Variants in KAZN observed in about 807,000 individuals in gnomAD.
KAZN encodes kazrin, periplakin interacting protein.
In KAZN, 40 loss-of-function variants were observed where a neutral mutation model predicts 87.4. The ratio of observed to expected loss-of-function variants is 0.46; its 90% CI spans 0.36 to 0.60. The LOEUF (loss-of-function observed/expected upper bound fraction) is 0.60. Ranked by LOEUF, KAZN falls within the 20% of genes least tolerant of loss-of-function variation. KAZN has a pLI of 0.00. For missense variants in KAZN, 898 were observed against 1,073.9 expected, an observed-to-expected ratio of 0.84 and a Z score of 2.29; for synonymous variants, 466 against 458.3, an observed-to-expected ratio of 1.02 and a Z score of -0.22.
intron 2 of KAZN, among the ~76,000 whole-genome samples, chr1:14,406,960 TAGC>T (rs1176718793): frequency 6.6e-6 from 1 of 152,182 alleles, no homozygotes; most frequent in Non-Finnish European, 1.5e-5. Flanking sequence ...AGCTGAGACT[TAGC>T]AGGCACTCGA....
intron 1 of KAZN, among the ~76,000 whole-genome samples, chr1:14,667,540 C>T (rs916338456): frequency 3.3e-5 from 5 of 152,232 alleles, no homozygotes; most frequent in African/African-American, 9.6e-5. Context: ...GACACAGGAA[C>T]ACTGAATAAG....
rs1317259463 is a variant in KAZN, at chr1:14,064,358, G to A, written c.92-116077G>A. Among the ~76,000 whole-genome samples, 7 of 151,904 alleles carry A rather than the reference G, an allele frequency of 4.6e-5. No individual in the cohort carries two copies. The South Asian group carries it at 6.2e-4, about 14-fold the overall frequency. ...ATTTTGATTGGAAAACTGAAGTACC[G>A]TCACCAGAAAAGGCACGGTCAACCG... On this transcript the variant is annotated intron_variant, in intron 1 of 16. Transcript: ENST00000636203.
rs1357818325 is a variant in KAZN, at chr1:14,803,788, T to TG, written c.227-156894dup. 2.0e-5 allele frequency among the ~76,000 whole-genome samples: 3 copies of TG among 152,332 alleles called. No homozygotes were observed. The East Asian group carries it at 5.8e-4, about 29-fold the overall frequency. ...TCCACGGAGGGCTGGCACTCCACAT[T>TG]GGCGCTCTGGAGCCACTGGATGTGG... On this transcript the variant is annotated intron_variant, in intron 1 of 14. Coordinates refer to ENST00000376030, the MANE Select transcript of KAZN (RefSeq NM_201628.3).
chr1:14,953,427 G>A (rs940700690), intron 1 of KAZN, among the ~76,000 whole-genome samples: 2 of 152,218 alleles, frequency 1.3e-5, no homozygotes, highest in African/African-American at 4.8e-5. Flanking sequence ...GACCATCTGT[G>A]TCCAAACCCT....
intron 1 of KAZN, among the ~76,000 whole-genome samples, chr1:14,957,216 T>C (rs999590487): frequency 6.6e-6 from 1 of 152,130 alleles, no homozygotes; most frequent in Non-Finnish European, 1.5e-5. Context: ...CTTAGGAGTT[T>C]TGCTAAGAGA....
At chr1:14,417,038 ACACG>A (rs1373762719) in intron 2 of KAZN, among the ~76,000 whole-genome samples, 30 of 150,942 alleles carry the variant, frequency 2.0e-4, no homozygotes, top group African/African-American at 6.9e-4. Flanking sequence ...ACACACACAC[ACACG>A]TTAACCAGGT....
chr1:13,926,145 C>G (rs1640268494), intron 1 of KAZN, among the ~76,000 whole-genome samples: 1 of 152,244 alleles, frequency 6.6e-6, no homozygotes, highest in East Asian at 1.9e-4. Context: ...GAAGCTTTCA[C>G]CAATTCTCTC....
At chr1:14,452,048 T>C (rs1161975536) in intron 2 of KAZN, among the ~76,000 whole-genome samples, 1 of 152,208 alleles carries the variant, frequency 6.6e-6, no homozygotes, top group Non-Finnish European at 1.5e-5. Context: ...CTAGCGATTC[T>C]CCTGCCTCAG....
chr1:14,460,910 G>C (rs1667817882), intron 2 of KAZN, among the ~76,000 whole-genome samples: 1 of 152,156 alleles, frequency 6.6e-6, no homozygotes. Flanking sequence ...TGAGAACTGA[G>C]TCTCAGAAAT....
chr1:14,142,091 T>C (rs1473789642), intron 1 of KAZN, among the ~76,000 whole-genome samples: 3 of 151,050 alleles, frequency 2.0e-5, no homozygotes, highest in African/African-American at 7.3e-5. Context: ...TATCTTCCTC[T>C]TTTCCTCCCT....
intron 1 of KAZN, among the ~76,000 whole-genome samples, chr1:14,017,784 C>T (rs954643791): frequency 3.9e-5 from 6 of 152,148 alleles, no homozygotes; most frequent in Non-Finnish European, 5.9e-5. Context: ...ATTCTGTTTC[C>T]GCTTGTGGAG....
chr1:14,635,056 C>G (rs1679860576), intron 1 of KAZN, among the ~76,000 whole-genome samples: 1 of 152,120 alleles, frequency 6.6e-6, no homozygotes, highest in African/African-American at 2.4e-5. Flanking sequence ...GGTACCCACC[C>G]CACAGGTGTT....
rs974309492 is a variant in KAZN at position 14,923,912 on chromosome 1, C to T, written c.227-36772C>T. On this transcript the variant is annotated intron_variant, in intron 1 of 14. Coordinates refer to ENST00000376030, the MANE Select transcript of KAZN (RefSeq NM_201628.3). This position sits in a 1 kb window ranked among gnomAD's most constrained non-coding sequence, Gnocchi z 4.2. Reference sequence around the variant, plus strand: ...AGTTCCGTCACAGCCACCCCTGTGACATCGGCCGTCTTTCTGACCCTCCGT... The same window carrying T: ...AGTTCCGTCACAGCCACCCCTGTGATATCGGCCGTCTTTCTGACCCTCCGT... 4.4e-4 allele frequency among the ~76,000 whole-genome samples: 67 copies of T among 152,250 alleles called. No homozygotes were observed. The highest frequency in any genetic ancestry group is 1.6e-3 in the African/African-American group (66 of 41,572).
chr1:14,730,030 A>T (rs1426024482), intron 1 of KAZN, among the ~76,000 whole-genome samples: 1 of 152,144 alleles, frequency 6.6e-6, no homozygotes, highest in African/African-American at 2.4e-5. Flanking sequence ...GCAAAGCCCC[A>T]AATTTTTATC....
intron 2 of KAZN, among the ~76,000 whole-genome samples, chr1:14,375,233 AAAG>A (rs1394351011): frequency 2.0e-5 from 3 of 152,186 alleles, no homozygotes; most frequent in African/African-American, 7.2e-5. Flanking sequence ...CACACTTCAG[AAAG>A]AGTGCAGGAG....
intron 2 of KAZN, among the ~76,000 whole-genome samples, chr1:14,989,555 A>T (rs977878819): frequency 6.6e-6 from 1 of 152,210 alleles, no homozygotes; most frequent in East Asian, 1.9e-4. Flanking sequence ...GAGGCAGTAC[A>T]TTGGAGGGGT....
At chr1:15,016,149 T>A (rs780870705) in intron 2 of KAZN, among the ~76,000 whole-genome samples, 12 of 152,256 alleles carry the variant, frequency 7.9e-5, no homozygotes, top group Non-Finnish European at 1.5e-4. Context: ...AGACAGAGGC[T>A]GAGGTCAGGG....
chr1:14,514,834 T>C (rs1239575289), intron 2 of KAZN, among the ~76,000 whole-genome samples: 1 of 151,706 alleles, frequency 6.6e-6, no homozygotes, highest in Non-Finnish European at 1.5e-5. Flanking sequence ...ATGCACCTGA[T>C]ACAATTGTTG....
intron 1 of KAZN, among the ~76,000 whole-genome samples, chr1:14,693,239 C>T (rs1472894326): frequency 3.3e-5 from 5 of 152,174 alleles, no homozygotes; most frequent in African/African-American, 4.8e-5. Flanking sequence ...TCGCATTTGC[C>T]GTTCTTAATA....
Sources: gnomAD v4.1 joint callset for allele counts (sites outside exome capture counted in the v4.1 genomes callset) on GRCh38, gnomAD v4.1.1 for gene constraint, Gnocchi (gnomAD v3.1) non-coding constraint, MANE v1.5 for transcripts, NCBI Gene and HGNC (gene_info 2026-07-23, HGNC 2026-07-21) for gene names.